The following FNDC3B variants were observed in gnomAD, a reference collection of about 807,000 sequenced individuals.
FNDC3B encodes the protein fibronectin type III domain containing 3B, also known as fibronectin type III domain-containing protein 3B.
In FNDC3B, 12 loss-of-function variants were observed where a neutral mutation model predicts 151.5. The observed-to-expected ratio is 0.08, with a 90% CI of 0.05 to 0.13. The LOEUF (loss-of-function observed/expected upper bound fraction) is 0.13, where lower values mean the gene tolerates loss of function less well. Among genes scored for constraint, FNDC3B ranks in the 10% least tolerant of loss-of-function variants. The pLI is 1.00. For missense variants in FNDC3B, 1,214 were observed against 1,505.3 expected, an observed-to-expected ratio of 0.81 and a Z score of 3.20; for synonymous variants, 528 against 549.0, an observed-to-expected ratio of 0.96 and a Z score of 0.54.
intron 1 of FNDC3B, among the ~76,000 whole-genome samples, chr3:172,085,637 A>C (rs1194212883): frequency 1.3e-5 from 2 of 152,208 alleles, no homozygotes; most frequent in Non-Finnish European, 2.9e-5. Context: ...GGCAATTGAA[A>C]CTTGGAGCCC....
intron 3 of FNDC3B, among the ~76,000 whole-genome samples, chr3:172,220,180 TG>T (rs1726208532): frequency 6.6e-6 from 1 of 152,176 alleles, no homozygotes; most frequent in African/African-American, 2.4e-5. Context: ...TGTGTGTGTG[TG>T]TGTGTCTTTT....
intron 3 of FNDC3B, among the ~76,000 whole-genome samples, chr3:172,194,043 AC>A (rs1385472450): frequency 6.6e-6 from 1 of 151,964 alleles, no homozygotes; most frequent in Non-Finnish European, 1.5e-5. Flanking sequence ...ACACAGTGAA[AC>A]CCCGTCTCTA....
intron 6 of FNDC3B, among the ~76,000 whole-genome samples, chr3:172,272,083 C>G (rs1446752214): frequency 6.6e-6 from 1 of 152,180 alleles, no homozygotes; most frequent in Non-Finnish European, 1.5e-5. Context: ...AATATTCCAG[C>G]AGTCTAAACT....
chr3:172,039,938 G>A (rs575246783), intron 1 of FNDC3B, among the ~76,000 whole-genome samples, 167 bp downstream of exon 1: 2,426 of 152,300 alleles, frequency 0.016, 56 homozygotes, highest in African/African-American at 0.053. Flanking sequence ...GGAGTGCTGG[G>A]GCGCCCCGTG....
At chr3:172,058,742 G>T (rs1032834815) in intron 1 of FNDC3B, among the ~76,000 whole-genome samples, 1 of 152,172 alleles carries the variant, frequency 6.6e-6, no homozygotes, top group African/African-American at 2.4e-5. Flanking sequence ...AGAGGAGGCA[G>T]AGTAAATCAT....
chr3:172,109,590 A>G (rs1052665448), intron 1 of FNDC3B, among the ~76,000 whole-genome samples: 1 of 152,174 alleles, frequency 6.6e-6, no homozygotes, highest in Non-Finnish European at 1.5e-5. Context: ...TGTTTTCTCC[A>G]TGATCAACGG....
chr3:172,346,606 T>C (rs979186275), intron 20 of FNDC3B, among the ~76,000 whole-genome samples, 166 bp downstream of exon 20: 6 of 152,050 alleles, frequency 3.9e-5, no homozygotes, highest in Admixed American at 3.3e-4. Flanking sequence ...GCCACTTGCT[T>C]ATATTATTTA....
chr3:172,393,644 T>C (rs1736130075), intron 25 of FNDC3B, among the ~76,000 whole-genome samples: 1 of 152,162 alleles, frequency 6.6e-6, no homozygotes, highest in Non-Finnish European at 1.5e-5. Flanking sequence ...ATCAAGTATC[T>C]TTTCAGACCA....
At chr3:172,151,807 T>C (rs77304485) in intron 3 of FNDC3B, among the ~76,000 whole-genome samples, 7,633 of 152,302 alleles carry the variant, frequency 0.05, 560 homozygotes, top group African/African-American at 0.17. Context: ...TTTCCTTCGA[T>C]GTGGATTTGT....
chr3:172,095,143 CTGT>C (rs1430552134), intron 1 of FNDC3B, among the ~76,000 whole-genome samples: 1 of 152,124 alleles, frequency 6.6e-6, no homozygotes, highest in African/African-American at 2.4e-5. Flanking sequence ...TCCTATCATC[CTGT>C]TGTTCAAAGT....
chr3:172,061,479 G>A (rs569207810), intron 1 of FNDC3B, among the ~76,000 whole-genome samples: 89 of 151,996 alleles, frequency 5.9e-4, no homozygotes, highest in African/African-American at 2.1e-3. Context: ...TGATCCTCCC[G>A]CCTCGGCCTC....
chr3:172,233,941 A>G (rs1727013854), intron 4 of FNDC3B, among the ~76,000 whole-genome samples: 1 of 152,192 alleles, frequency 6.6e-6, no homozygotes. Context: ...TTATCAATGG[A>G]TTTGAAGCAA....
rs397702857 is a variant in FNDC3B, at chr3:172,326,819, T to TA, written c.1255-2132dup. 2.0e-5 allele frequency among the ~76,000 whole-genome samples: 3 copies of TA among 152,218 alleles called. No individual in the cohort carries two copies. In the East Asian group the frequency reaches 5.8e-4, roughly 29 times the overall value. ...TAGTAAGAAACACTGACTTTTTTTT[T>TA]ACTGGCTACAGTTCTAAGCACAAGA... On this transcript the variant is annotated intron_variant, in intron 11 of 25. Coordinates refer to ENST00000415807, the MANE Select transcript of FNDC3B (RefSeq NM_022763.4).
chr3:172,064,766 G>T (rs1015077572), intron 1 of FNDC3B, among the ~76,000 whole-genome samples: 1 of 152,146 alleles, frequency 6.6e-6, no homozygotes, highest in Non-Finnish European at 1.5e-5. Context: ...CTGGTTTTGG[G>T]CTCTTCAAAT....
intron 1 of FNDC3B, among the ~76,000 whole-genome samples, chr3:172,061,041 T>C (rs1207880218): frequency 6.6e-6 from 1 of 152,212 alleles, no homozygotes; most frequent in Non-Finnish European, 1.5e-5. Context: ...GCAGTGTTTC[T>C]ATACCTCCTG....
At chr3:172,156,700 T>G (rs1722504066) in intron 3 of FNDC3B, among the ~76,000 whole-genome samples, 2 of 152,044 alleles carry the variant, frequency 1.3e-5, no homozygotes, top group South Asian at 2.1e-4. Context: ...TGAAGTTTTT[T>G]TTTTTTTTTT....
chr3:172,280,249 C>A (rs1729641431), intron 6 of FNDC3B, among the ~76,000 whole-genome samples: 1 of 152,166 alleles, frequency 6.6e-6, no homozygotes, highest in Non-Finnish European at 1.5e-5. Context: ...TTTCTTTTGT[C>A]CCCATTCATG....
chr3:172,246,387 C>T (rs1415156323), intron 4 of FNDC3B, among the ~76,000 whole-genome samples: 1 of 152,204 alleles, frequency 6.6e-6, no homozygotes, highest in Non-Finnish European at 1.5e-5. Flanking sequence ...TCCCTGAAGC[C>T]TTTCCTGATT....
chr3:172,101,757 T>A (rs748652277), intron 1 of FNDC3B, among the ~76,000 whole-genome samples: 1 of 152,240 alleles, frequency 6.6e-6, no homozygotes, highest in Non-Finnish European at 1.5e-5. Context: ...AAAATCACCA[T>A]GGAAGACATA....
Sources: gnomAD v4.1 joint callset for allele counts (sites outside exome capture counted in the v4.1 genomes callset) on GRCh38, gnomAD v4.1.1 for gene constraint, MANE v1.5 for transcripts, NCBI Gene and HGNC (gene_info 2026-07-23, HGNC 2026-07-21) for gene names.